SNX11: variants seen among roughly 807,000 people sequenced by gnomAD.
SNX11 encodes the protein sorting nexin 11, also known as sorting nexin-11.
A neutral mutation model predicts 30.7 loss-of-function variants in SNX11; 19 were observed. That is an observed-to-expected ratio of 0.62 (90% CI 0.43 to 0.91). SNX11 has a LOEUF of 0.91. Among genes scored for constraint, SNX11 ranks in the 40% least tolerant of loss-of-function variants. The probability of loss-of-function intolerance (pLI) is 0.00; values close to 1 mark genes in which losing one functional copy is unlikely to be tolerated. For missense variants in SNX11, 302 were observed against 326.7 expected, an observed-to-expected ratio of 0.92 and a Z score of 0.58; for synonymous variants, 112 against 119.0, an observed-to-expected ratio of 0.94 and a Z score of 0.38.
At chr17:48,120,168 A>G (rs1598340353) in intron 6 of SNX11, among the ~76,000 whole-genome samples, 1 of 147,468 alleles carries the variant, frequency 6.8e-6, no homozygotes, top group South Asian at 2.1e-4. Context: ...GCTATATACC[A>G]CATTTTGTTT....
intron 4 of SNX11, among the ~76,000 whole-genome samples, chr17:48,117,782 C>G (rs991347533): frequency 6.6e-6 from 1 of 152,094 alleles, no homozygotes; most frequent in Non-Finnish European, 1.5e-5. Flanking sequence ...GAAGGAGGAT[C>G]ACTTGAGGCC....
At chr17:48,116,940 C>T (rs1344547794) in intron 4 of SNX11, among the ~76,000 whole-genome samples, 3 of 150,616 alleles carry the variant, frequency 2.0e-5, no homozygotes, top group Admixed American at 1.3e-4. Flanking sequence ...GGCACGATCT[C>T]GGCTCACTGC....
At chr17:48,115,084 C>T (rs1435598315) in intron 4 of SNX11, among the ~76,000 whole-genome samples, 10 of 139,290 alleles carry the variant, frequency 7.2e-5, no homozygotes, top group East Asian at 4.1e-4. Context: ...TTTTTTGAGA[C>T]GGAGTCTCAC....
intron 4 of SNX11, among the ~76,000 whole-genome samples, chr17:48,114,639 G>T (rs1187012237): frequency 1.3e-5 from 2 of 148,988 alleles, no homozygotes; most frequent in Non-Finnish European, 3.0e-5. Flanking sequence ...TGTATTTTTA[G>T]TGGAGGTGGG....
At chr17:48,116,510 C>A (rs1046677557) in intron 4 of SNX11, among the ~76,000 whole-genome samples, 1 of 151,956 alleles carries the variant, frequency 6.6e-6, no homozygotes, top group Non-Finnish European at 1.5e-5. Flanking sequence ...TGAGCCACTG[C>A]GTCCCACTCC....
In SNX11 at chr17:48,121,576, G is replaced by A. The variant is rs1311466698; in HGVS notation, c.*68G>A. 7 of 1,546,370 alleles carry A rather than the reference G, an allele frequency of 4.5e-6. No individual in the cohort carries two copies. Among genetic ancestry groups the A allele is most frequent in the Non-Finnish European group, 6.2e-6 (7 of 1,133,990 alleles). ...AGGAGACTTACTCAGGTGGGACTGG[G>A]CACAGGGCAGGTATGTGGGAGGCTG... is the stretch of plus-strand genomic sequence containing the variant. On this transcript the variant is annotated 3_prime_UTR_variant, in exon 7 of 7. Transcript: ENST00000359238.
rs200464637 is a variant in SNX11 at position 48,112,650 on chromosome 17, T to G, written c.119T>G (p.Ile40Arg). The G allele has an allele frequency of 6.2e-7, 1 of 1,609,992 alleles. No homozygotes were observed. The highest frequency in any genetic ancestry group is 1.3e-5 in the African/African-American group (1 of 74,870). The change falls in exon 3 of 7, where the codon ATA becomes AGA. Residue 40 changes from isoleucine to arginine, a missense_variant. By Grantham distance (97) the Ile-to-Arg change is moderately conservative. Coordinates refer to ENST00000359238, the MANE Select transcript of SNX11 (RefSeq NM_013323.3). ...GSWNSYVDYK[I>R]FLHTNSKAFT... ...TGGAACTCTTATGTGGATTATAAGA[T>G]ATTCCTCCATGTGAGTACATCAAGC... is the stretch of plus-strand genomic sequence containing the variant.
intron 6 of SNX11, among the ~76,000 whole-genome samples, chr17:48,121,027 C>G (rs1035875234): frequency 5.9e-5 from 9 of 151,960 alleles, no homozygotes; most frequent in African/African-American, 2.2e-4. Context: ...ACTCTGTTGC[C>G]CAGGCTGAAG....
rs1237579643 is a variant in SNX11, at chr17:48,122,101, C to T, written c.*593C>T. On this transcript the variant is annotated 3_prime_UTR_variant, in exon 7 of 7. Transcript: ENST00000359238. ...GCTGCTGGGGATTTATGTCCCGAGA[C>T]CTTAGCCTGGCTGAGTGGAGCCTGA... is the stretch of plus-strand genomic sequence containing the variant. 6.5e-6 allele frequency: 1 copy of T among 154,840 alleles called. No homozygotes were observed. Among genetic ancestry groups the T allele is most frequent in the Non-Finnish European group, 1.5e-5 (1 of 68,920 alleles). The allele number at this position is 154,840 out of a possible 1,614,324, so 9.6% of individuals were successfully genotyped here.
chr17:48,113,400 G>C lies in SNX11; in HGVS notation c.229G>C (p.Val77Leu). Residue 77 changes from valine to leucine, a missense_variant and splice_region_variant, in exon 4 of 7, where the codon GTG becomes CTG. Val to Leu is a conservative substitution (Grantham distance 32, BLOSUM62 1). Transcript: ENST00000359238. ...RKQLQRNAGL[V>L]PVPELPGKST... ...GCAGCTACAGAGAAATGCTGGTTTG[G>C]TGTGAGTTTGCTCTTGCTTCCTTCT... The C allele has an allele frequency of 6.2e-7, 1 of 1,612,374 alleles. No homozygotes were observed. Among genetic ancestry groups the C allele is most frequent in the South Asian group, 1.1e-5 (1 of 91,040 alleles).
chr17:48,118,719 TC>T lies in SNX11; in HGVS notation c.248del (p.Pro83LeufsTer53). The T allele has an allele frequency of 6.2e-7, 1 of 1,614,024 alleles. No individual in the cohort carries two copies. Among genetic ancestry groups the T allele is most frequent in the African/African-American group, 1.3e-5 (1 of 75,068 alleles). On this transcript the variant is annotated frameshift_variant, in exon 5 of 7. Coordinates refer to ENST00000359238, the MANE Select transcript of SNX11 (RefSeq NM_013323.3). LOFTEE classifies it high-confidence loss of function. ...NAGLVPVPEL[P>X]GKSTFFGTSD... is the part of the protein sequence containing the mutation. ...GGCTGCACAGGCCTGTTCCTGAACTTCCTGGGAAGTCAACCTTCTTCGGCAC... is the reference window on the plus strand; with the variant it reads ...GGCTGCACAGGCCTGTTCCTGAACTTCTGGGAAGTCAACCTTCTTCGGCAC...
At chr17:48,117,259 T>A (rs1028264914) in intron 4 of SNX11, among the ~76,000 whole-genome samples, 10 of 292 alleles carry the variant, frequency 0.034, no homozygotes, top group African/African-American at 0.088. Context: ...ATTTATTTAA[T>A]TTTTTTTTTT....
intron 6 of SNX11, among the ~76,000 whole-genome samples, chr17:48,120,779 G>A (rs1450560456): frequency 6.6e-6 from 1 of 151,750 alleles, no homozygotes; most frequent in Non-Finnish European, 1.5e-5. Flanking sequence ...CAAAGTGCTG[G>A]GATTACAGGC....
At position 48,121,359 on chromosome 17, in the gene SNX11, A is replaced by G; in HGVS notation, c.664A>G (p.Thr222Ala). ...TGAGGTTCCTTCCTTGGAAAGTCCCACTCTCCCACCCCTCTCCTCACCATT... is the reference window on the plus strand; with the variant it reads ...TGAGGTTCCTTCCTTGGAAAGTCCCGCTCTCCCACCCCTCTCCTCACCATT... ...DSEVPSLESP[T>A]LPPLSSPLCC... Residue 222 changes from threonine to alanine, a missense_variant, in exon 7 of 7, where the codon ACT becomes GCT. Thr to Ala is a moderately conservative substitution (Grantham distance 58). Coordinates refer to ENST00000359238, the MANE Select transcript of SNX11 (RefSeq NM_013323.3). 6.2e-7 allele frequency: 1 copy of G among 1,613,308 alleles called. No individual in the cohort carries two copies. Among genetic ancestry groups the G allele is most frequent in the Non-Finnish European group, 8.5e-7 (1 of 1,179,764 alleles).
In SNX11 at chr17:48,117,682, G is replaced by A. The variant is rs1454028095; in HGVS notation, c.231-1022G>A. 3.3e-5 allele frequency among the ~76,000 whole-genome samples: 5 copies of A among 152,184 alleles called. No individual in the cohort carries two copies. The East Asian group carries it at 7.7e-4, about 24-fold the overall frequency. On this transcript the variant is annotated intron_variant, in intron 4 of 6. Coordinates refer to ENST00000359238, the MANE Select transcript of SNX11 (RefSeq NM_013323.3). ...GCCAGGATTACAGGCATGAACCATG[G>A]CACCAAGCTGGGAGTGGGTTTCATA...
chr17:48,111,228 T>G, intron 1 of SNX11: 16 of 526,094 alleles, frequency 3.0e-5, no homozygotes, highest in Non-Finnish European at 3.7e-5. Context: ...GCTCTAGCTC[T>G]ATGATTCACC....
chr17:48,119,093 A>T lies in SNX11; in HGVS notation c.446A>T (p.Asp149Val), dbSNP rs772952131. 4 of 1,614,120 alleles carry T rather than the reference A, an allele frequency of 2.5e-6. No individual in the cohort carries two copies. The Admixed American group carries it at 6.7e-5, about 27-fold the overall frequency. Residue 149 changes from aspartate (D) to valine (V), a missense_variant, in exon 6 of 7, where the codon GAT (aspartate) becomes GTT (valine). Physicochemically the swap from Asp to Val is radical, Grantham distance 152. Transcript: ENST00000359238. ...VQGRSTMTVS[D>V]AILRYAMSNC... ...GGCCGAAGTACCATGACTGTGTCTG[A>T]TGCCATTCTTCGATATGCTATGTCA...
chr17:48,111,920 C>A, intron 1 of SNX11, 111 bp from the exon 2 acceptor site: 1 of 788,288 alleles, frequency 1.3e-6, no homozygotes, highest in Non-Finnish European at 2.1e-6. Context: ...AAAAGTGTTG[C>A]CTGGGTTTCC....
In SNX11 at chr17:48,118,925, C is replaced by T. The variant is rs202007095; in HGVS notation, c.327-49C>T. 1.9e-6 allele frequency: 3 copies of T among 1,584,680 alleles called. No individual in the cohort carries two copies. The Admixed American group carries it at 5.0e-5, about 26-fold the overall frequency. On this transcript the variant is annotated intron_variant, in intron 5 of 6. Transcript: ENST00000359238. ...TCTTAAGAGGATGGGGAATGGAGAG[C>T]AGTTCCTCAGGGTGATGCTCTGTGT...
Sources: gnomAD v4.1 joint callset for allele counts (sites outside exome capture counted in the v4.1 genomes callset) on GRCh38, gnomAD v4.1.1 for gene constraint, MANE v1.5 for transcripts, NCBI Gene and HGNC (gene_info 2026-07-23, HGNC 2026-07-21) for gene names.